TMEM255B: variants seen among roughly 807,000 people sequenced by gnomAD.
TMEM255B encodes the protein transmembrane protein 255B.
Under a neutral mutation model 34.5 loss-of-function variants are expected in TMEM255B, and 35 were observed. That is an observed-to-expected ratio of 1.01 (90% CI 0.77 to 1.34). TMEM255B has a LOEUF of 1.34. Ranked by LOEUF, TMEM255B falls within the 40% of genes most tolerant of loss-of-function variation. The probability of loss-of-function intolerance (pLI) is 0.00; values close to 1 mark genes in which losing one functional copy is unlikely to be tolerated. For synonymous variants in TMEM255B, 206 were observed against 201.2 expected (o/e 1.02, Z -0.20); for missense variants, 432 against 433.2 (o/e 1.00, Z 0.02).
chr13:113,777,847 C>A (rs1026946510), intron 3 of TMEM255B, among the ~76,000 whole-genome samples: 47 of 152,236 alleles, frequency 3.1e-4, no homozygotes, highest in Non-Finnish European at 1.6e-4. Flanking sequence ...CTGCCTCCCC[C>A]TGAGTGCCTC....
intron 8 of TMEM255B, among the ~76,000 whole-genome samples, chr13:113,807,458 G>A (rs185824699): frequency 1.9e-3 from 267 of 136,946 alleles, no homozygotes; most frequent in Middle Eastern, 8.1e-3. Context: ...CTTACGGGAT[G>A]TGGGGGTGGT....
chr13:113,769,178 G>A lies in TMEM255B; in HGVS notation c.252+18G>A, dbSNP rs778789246. On this transcript the variant is annotated intron_variant, in intron 3 of 8. Coordinates refer to ENST00000375353, the MANE Select transcript of TMEM255B (RefSeq NM_182614.4). This position sits in a 1 kb window ranked among gnomAD's most constrained non-coding sequence, Gnocchi z 4.2. ...GGCAAATGGTAAGAAAGTACATGGG[G>A]TGGTGGGGAGCATGAGTCCCTCATC... 2.5e-6 allele frequency: 4 copies of A among 1,613,790 alleles called. No homozygotes were observed. Among genetic ancestry groups the A allele is most frequent in the Non-Finnish European group, 3.4e-6 (4 of 1,179,696 alleles).
In TMEM255B at chr13:113,813,872, C is replaced by G. The variant is rs544268766; in HGVS notation, c.*1969C>G. 1 of 152,328 alleles carries G rather than the reference C, an allele frequency of 6.6e-6. No homozygotes were observed. Among genetic ancestry groups the G allele is most frequent in the East Asian group, 1.9e-4 (1 of 5,160 alleles). The allele number at this position is 152,328 out of a possible 1,614,324, so 9.4% of individuals were successfully genotyped here. The stretch of plus-strand genomic sequence containing the variant: ...TTGAACCAGTCCGGGAGGTCGGGCA[C>G]GAGCCGGAGGTGCGGCGTCCTGTCT... On this transcript the variant is annotated 3_prime_UTR_variant, in exon 9 of 9. Transcript: ENST00000375353.
intron 3 of TMEM255B, among the ~76,000 whole-genome samples, chr13:113,791,313 C>A (rs12429514): frequency 0.083 from 12,650 of 152,300 alleles, 632 homozygotes; most frequent in South Asian, 0.17. Flanking sequence ...CACCTGCCAC[C>A]CACTTCTGAA....
Position 113,801,641 on chromosome 13 carries a change from C to A in TMEM255B, c.510-12C>A. 1 of 1,581,984 alleles carries A rather than the reference C, an allele frequency of 6.3e-7. No individual in the cohort carries two copies. The highest frequency in any genetic ancestry group is 8.6e-7 in the Non-Finnish European group (1 of 1,159,934). ...CCTCGTGCGGTGACGCCATGGTGCC[C>A]TCTCTGTGCAGCGCAGAGCCCTCGC... On this transcript the variant is annotated splice_polypyrimidine_tract_variant and intron_variant, in intron 6 of 8. Coordinates refer to ENST00000375353, the MANE Select transcript of TMEM255B (RefSeq NM_182614.4).
At position 113,812,821 on chromosome 13, in the gene TMEM255B, T is replaced by TGAGTGGGTCACAGGTCCC. The variant is rs1293069734; in HGVS notation, c.*920_*937dup. On this transcript the variant is annotated 3_prime_UTR_variant, in exon 9 of 9. Coordinates refer to ENST00000375353, the MANE Select transcript of TMEM255B (RefSeq NM_182614.4). ...CAGGTCTCAGGTGGGTCACAGGTCCTGAGTGGGTCACAGGTCCCGGGTGGG... is the reference window on the plus strand; with the variant it reads ...CAGGTCTCAGGTGGGTCACAGGTCCTGAGTGGGTCACAGGTCCCGAGTGGGTCACAGGTCCCGGGTGGG... The TGAGTGGGTCACAGGTCCC allele has an allele frequency of 3.1e-3, 364 of 115,624 alleles. 7 individuals carry two copies. The highest frequency in any genetic ancestry group is 0.013 in the African/African-American group (352 of 27,458). The allele number at this position is 115,624 out of a possible 1,614,324, so 7.2% of individuals were successfully genotyped here.
chr13:113,768,944 G>C (rs1436370983), intron 2 of TMEM255B, 154 bp from the exon 3 acceptor site: 4 of 770,866 alleles, frequency 5.2e-6, no homozygotes, highest in Non-Finnish European at 9.2e-6. Flanking sequence ...AGACGCACCT[G>C]CTGCTCAGTG....
chr13:113,796,151 C>A (rs533455850), intron 4 of TMEM255B, among the ~76,000 whole-genome samples: 45 of 145,740 alleles, frequency 3.1e-4, no homozygotes, highest in Non-Finnish European at 9.0e-5. Context: ...ACAGCACACA[C>A]ACAACAGAGC....
At position 113,785,739 on chromosome 13, in the gene TMEM255B, C is replaced by CTGGA. The variant is rs1484215113; in HGVS notation, c.253-9408_253-9405dup. 3.3e-5 allele frequency among the ~76,000 whole-genome samples: 5 copies of CTGGA among 152,312 alleles called. No homozygotes were observed. The East Asian group carries it at 9.6e-4, about 29-fold the overall frequency. The stretch of plus-strand genomic sequence containing the variant: ...CCCACTCTGGACGTGACTGTGGGTG[C>CTGGA]TGGACGTCCCCAGGCCTCCCTGTCC... On this transcript the variant is annotated intron_variant, in intron 3 of 8. Coordinates refer to ENST00000375353, the MANE Select transcript of TMEM255B (RefSeq NM_182614.4).
intron 5 of TMEM255B, chr13:113,799,849 G>C (rs1486899189): frequency 2.8e-6 from 2 of 726,292 alleles, no homozygotes; most frequent in African/African-American, 1.8e-5. Context: ...ATGACCCGCG[G>C]GCGGCCGCCG....
At chr13:113,766,278 G>T in intron 2 of TMEM255B, 21 bp downstream of exon 2, 1 of 1,613,374 alleles carries the variant, frequency 6.2e-7, no homozygotes, top group Non-Finnish European at 8.5e-7. Flanking sequence ...CGGGCGGGCG[G>T]CCTGGGCCGG....
chr13:113,797,123 G>A (rs2050956718), intron 4 of TMEM255B, among the ~76,000 whole-genome samples: 1 of 152,114 alleles, frequency 6.6e-6, no homozygotes, highest in South Asian at 2.1e-4. Flanking sequence ...AGTCGGGGGT[G>A]TCCCCAGGTT....
intron 3 of TMEM255B, among the ~76,000 whole-genome samples, chr13:113,786,382 C>T (rs920962088): frequency 4.0e-5 from 6 of 151,452 alleles, no homozygotes; most frequent in East Asian, 1.9e-4. Flanking sequence ...CTGTCATCAC[C>T]GTCACCATCG....
rs1470136702 is a variant in TMEM255B, at chr13:113,766,593, C to A, written c.189+336C>A. On this transcript the variant is annotated intron_variant, in intron 2 of 8. Transcript: ENST00000375353. ...GCCAGAGCCCGGCAACAGGAAATGTCCAAGGTGGAGGAGGGGCCAGGAGCC... is the reference window on the plus strand; with the variant it reads ...GCCAGAGCCCGGCAACAGGAAATGTACAAGGTGGAGGAGGGGCCAGGAGCC... The A allele has an allele frequency of 7.7e-6, 3 of 388,706 alleles. No homozygotes were observed. In the Admixed American group the frequency reaches 1.2e-4, roughly 16 times the overall value. The allele number at this position is 388,706 out of a possible 1,614,324, so 24.1% of individuals were successfully genotyped here. A position where few individuals can be genotyped will look rare whatever the true frequency, so the allele number is the denominator to read the frequency against.
intron 3 of TMEM255B, among the ~76,000 whole-genome samples, chr13:113,786,042 A>G (rs976205623): frequency 4.6e-5 from 7 of 152,212 alleles, no homozygotes; most frequent in African/African-American, 1.7e-4. Flanking sequence ...CAGGCTGTGC[A>G]TGGACTTCTT....
At position 113,804,918 on chromosome 13, in the gene TMEM255B, G is replaced by T. The variant is rs199895059; in HGVS notation, c.703G>T (p.Val235Phe). 1 of 1,603,478 alleles carries T rather than the reference G, an allele frequency of 6.2e-7. No individual in the cohort carries two copies. Among genetic ancestry groups the T allele is most frequent in the East Asian group, 2.2e-5 (1 of 44,808 alleles). The change falls in exon 8 of 9, where the codon GTC becomes TTC. Residue 235 changes from valine to phenylalanine, a missense_variant. Transcript: ENST00000375353. ...PLSQLAYGPA[V>F]PPQTLYNPAQ... ...GTCCCAGCTGGCCTATGGCCCAGCCGTCCCACCACAGACCCTCTACAACCC... is the reference window on the plus strand; with the variant it reads ...GTCCCAGCTGGCCTATGGCCCAGCCTTCCCACCACAGACCCTCTACAACCC...
chr13:113,786,811 A>G (rs181542697), intron 3 of TMEM255B, among the ~76,000 whole-genome samples: 4 of 152,318 alleles, frequency 2.6e-5, no homozygotes, highest in African/African-American at 7.2e-5. Flanking sequence ...AGAAGAAACC[A>G]TTACGATGGA....
chr13:113,778,519 C>A (rs1030904047), intron 3 of TMEM255B, among the ~76,000 whole-genome samples: 3 of 149,810 alleles, frequency 2.0e-5, no homozygotes, highest in Non-Finnish European at 4.4e-5. Context: ...GGTACTGTGG[C>A]GTCTTCTCCC....
At chr13:113,768,177 C>T (rs1411039448) in intron 2 of TMEM255B, 11 of 469,822 alleles carry the variant, frequency 2.3e-5, no homozygotes, top group Non-Finnish European at 4.0e-5. Flanking sequence ...TGCGACCGGC[C>T]CGGCGCACCT....
Sources: gnomAD v4.1 joint callset for allele counts (sites outside exome capture counted in the v4.1 genomes callset) on GRCh38, gnomAD v4.1.1 for gene constraint, Gnocchi (gnomAD v3.1) non-coding constraint, MANE v1.5 for transcripts, NCBI Gene and HGNC (gene_info 2026-07-23, HGNC 2026-07-21) for gene names.